The following ACBD5 variants were observed in gnomAD, a reference collection of about 807,000 sequenced individuals.
The protein encoded by ACBD5 is acyl-CoA-binding domain-containing protein 5.
ACBD5 carries 40 observed loss-of-function variants against 71.8 expected under a neutral mutation model. The observed-to-expected ratio is 0.56, with a 90% CI of 0.43 to 0.72. The LOEUF is 0.72. Ranked by LOEUF, ACBD5 falls within the 30% of genes least tolerant of loss-of-function variation. ACBD5 has a pLI of 0.00. For missense variants in ACBD5, 559 were observed against 644.5 expected (o/e 0.87, Z 1.44); for synonymous variants, 229 against 218.6 (o/e 1.05, Z -0.42).
In ACBD5 at chr10:27,234,204, A is replaced by T. The variant is rs189306218; in HGVS notation, c.302+888T>A. On this transcript the variant is annotated intron_variant, in intron 3 of 12. Transcript: ENST00000396271. ...GAAAACAGCACGGATGAGTACAGGTACCTGTATCTATAATTCTTTTAGTTT... is the reference window on the plus strand; with the variant it reads ...GAAAACAGCACGGATGAGTACAGGTTCCTGTATCTATAATTCTTTTAGTTT... 2.2e-4 allele frequency among the ~76,000 whole-genome samples: 33 copies of T among 152,376 alleles called. No individual in the cohort carries two copies. In the East Asian group the frequency reaches 2.9e-3, roughly 13 times the overall value.
intron 12 of ACBD5, among the ~76,000 whole-genome samples, chr10:27,203,086 C>T (rs933626020): frequency 2.7e-5 from 4 of 150,290 alleles, no homozygotes; most frequent in Non-Finnish European, 3.0e-5. Flanking sequence ...TTGATCCTCC[C>T]GCCTCAGCCT....
At chr10:27,191,895 A>AT (rs984271115), downstream of ACBD5, among the ~76,000 whole-genome samples, 45 of 146,460 alleles carry the variant, frequency 3.1e-4, no homozygotes, top group African/African-American at 1.2e-3. Flanking sequence ...AATCAAAAAA[A>AT]AATAATAACA....
rs2061256835 is a variant in ACBD5 at position 27,212,894 on chromosome 10, T to C, written c.937-1813A>G. ...TGACCTTAAGTAAAAGATATTTTATTCATGTGTTTTTAAAATTTGAGAAAA... is the reference window on the plus strand; with the variant it reads ...TGACCTTAAGTAAAAGATATTTTATCCATGTGTTTTTAAAATTTGAGAAAA... On this transcript the variant is annotated intron_variant, in intron 8 of 12. Coordinates refer to ENST00000396271, the MANE Select transcript of ACBD5 (RefSeq NM_145698.5). Among the ~76,000 whole-genome samples the C allele has an allele frequency of 2.0e-5, 3 of 152,290 alleles. 1 individual carries two copies. The South Asian group carries it at 6.2e-4, about 32-fold the overall frequency.
intron 3 of ACBD5, among the ~76,000 whole-genome samples, chr10:27,232,654 T>C (rs1345702067): frequency 6.6e-6 from 1 of 152,138 alleles, no homozygotes; most frequent in Non-Finnish European, 1.5e-5. Context: ...ACAGACATTT[T>C]GGTTAACAGG....
At chr10:27,218,767 G>C (rs1332110358) in intron 6 of ACBD5, among the ~76,000 whole-genome samples, 2 of 151,890 alleles carry the variant, frequency 1.3e-5, no homozygotes, top group Non-Finnish European at 1.5e-5. Context: ...TGTATTTTTA[G>C]TAGAGACGGG....
At chr10:27,227,009 A>ATTTTTTTTTTGTTTTT (rs2063142604) in intron 4 of ACBD5, among the ~76,000 whole-genome samples, 1 of 78,392 alleles carries the variant, frequency 1.3e-5, no homozygotes, top group Non-Finnish European at 2.2e-5. Flanking sequence ...TTTTTTTGCG[A>ATTTTTTTTTTGTTTTT]TTTTTTTTTT....
intron 4 of ACBD5, among the ~76,000 whole-genome samples, chr10:27,230,531 T>G (rs530563631): frequency 3.9e-5 from 6 of 152,194 alleles, no homozygotes; most frequent in Non-Finnish European, 7.4e-5. Flanking sequence ...GCATGGTGGC[T>G]AACGCCCGTA....
In ACBD5 at chr10:27,240,430, T is replaced by C. The variant is rs1231172179; in HGVS notation, c.70A>G (p.Arg24Gly). ...WCCCCLIPAD[R>G]PWDRGQHWQL... is the part of the protein sequence containing the mutation. ...CAGTGTTGGCCCCGGTCCCAAGGTC[T>C]GTCGGCGGGAATCAGGCAGCAGCAG... Residue 24 changes from arginine (R) to glycine (G), a missense_variant, in exon 2 of 13, where the codon AGA becomes GGA. Coordinates refer to ENST00000396271, the MANE Select transcript of ACBD5 (RefSeq NM_145698.5). This position sits in a 1 kb window ranked among gnomAD's most constrained non-coding sequence, Gnocchi z 4.1. 1 of 1,613,950 alleles carries C rather than the reference T, an allele frequency of 6.2e-7. No homozygotes were observed. Among genetic ancestry groups the C allele is most frequent in the East Asian group, 2.2e-5 (1 of 44,872 alleles).
chr10:27,210,268 T>C (rs1039280474), intron 9 of ACBD5, among the ~76,000 whole-genome samples: 3 of 152,332 alleles, frequency 2.0e-5, no homozygotes, highest in Admixed American at 1.3e-4. Context: ...AGAATTCCCA[T>C]AGCTGAACCT....
intron 8 of ACBD5, among the ~76,000 whole-genome samples, chr10:27,213,555 C>T (rs1371072479): frequency 5.3e-5 from 8 of 152,044 alleles, no homozygotes; most frequent in Non-Finnish European, 7.4e-5. Context: ...GTCAGGAGTT[C>T]GAGACCAGCC....
At chr10:27,211,144 T>C in intron 8 of ACBD5, 63 bp from the exon 9 acceptor site, 1 of 1,504,262 alleles carries the variant, frequency 6.6e-7, no homozygotes, top group Non-Finnish European at 9.2e-7. Flanking sequence ...CACAAAGTTT[T>C]TACAGCAATA....
intron 6 of ACBD5, 150 bp from the exon 7 acceptor site, chr10:27,218,333 G>C: frequency 1.4e-6 from 1 of 709,826 alleles, no homozygotes; most frequent in South Asian, 1.6e-5. Flanking sequence ...CGTGCTCCTT[G>C]AAATGGGGTT....
chr10:27,225,058 C>CCT (rs1463608700), intron 4 of ACBD5, among the ~76,000 whole-genome samples: 2 of 146,332 alleles, frequency 1.4e-5, no homozygotes, highest in Non-Finnish European at 3.0e-5. Context: ...GAACTGGCTC[C>CCT]CTCTCTCTCG....
chr10:27,239,177 A>G (rs1373410100), intron 2 of ACBD5, among the ~76,000 whole-genome samples: 4 of 152,234 alleles, frequency 2.6e-5, no homozygotes. Flanking sequence ...AGCCTGGGCA[A>G]CAAGAGCGGA....
chr10:27,210,701 T>G, intron 9 of ACBD5, 113 bp downstream of exon 9: 4 of 1,410,804 alleles, frequency 2.8e-6, no homozygotes, highest in Non-Finnish European at 3.9e-6. Context: ...GAGGTTGCAG[T>G]GAGCCGAGAT....
At chr10:27,207,477 G>C (rs2060589434) in intron 10 of ACBD5, among the ~76,000 whole-genome samples, 1 of 152,072 alleles carries the variant, frequency 6.6e-6, no homozygotes, top group Admixed American at 6.6e-5. Context: ...TCTTGCAATG[G>C]AAGCATGTCT....
chr10:27,206,354 G>A (rs985821826), intron 10 of ACBD5, among the ~76,000 whole-genome samples: 7 of 150,966 alleles, frequency 4.6e-5, no homozygotes, highest in South Asian at 2.1e-4. Context: ...AGTGGCTCAC[G>A]CCTATAATCC....
At chr10:27,219,617 T>A in intron 6 of ACBD5, 106 bp downstream of exon 6, 1 of 1,478,802 alleles carries the variant, frequency 6.8e-7, no homozygotes, top group Non-Finnish European at 9.4e-7. Flanking sequence ...ACAGCTTACA[T>A]CCCACCACCT....
At chr10:27,215,699 T>C (rs1036196839) in intron 7 of ACBD5, 58 bp from the exon 8 acceptor site, 6 of 1,262,788 alleles carry the variant, frequency 4.8e-6, no homozygotes, top group African/African-American at 4.4e-5. Flanking sequence ...GAAAAACAAA[T>C]TTATTCCTTT....
Sources: gnomAD v4.1 joint callset for allele counts (sites outside exome capture counted in the v4.1 genomes callset) on GRCh38, gnomAD v4.1.1 for gene constraint, Gnocchi (gnomAD v3.1) non-coding constraint, MANE v1.5 for transcripts, NCBI Gene and HGNC (gene_info 2026-07-23, HGNC 2026-07-21) for gene names.